The following TMPRSS6 variants were observed in gnomAD, a reference collection of about 807,000 sequenced individuals.
The protein encoded by TMPRSS6 is transmembrane protease serine 6.
A neutral mutation model predicts 101.5 loss-of-function variants in TMPRSS6; 67 were observed. The observed-to-expected ratio is 0.66, with a 90% CI of 0.54 to 0.81. The LOEUF (loss-of-function observed/expected upper bound fraction) is 0.81, where lower values mean the gene tolerates loss of function less well. Among genes scored for constraint, TMPRSS6 ranks in the 30% least tolerant of loss-of-function variants. The pLI is 0.00. For missense variants in TMPRSS6, 1,034 were observed against 1,088.7 expected (o/e 0.95, Z 0.71); for synonymous variants, 453 against 464.9 (o/e 0.97, Z 0.33).
At chr22:37,098,599 TCTC>T (rs771949149) in intron 2 of TMPRSS6, 50 bp from the exon 3 acceptor site, 36 of 1,613,392 alleles carry the variant, frequency 2.2e-5, no homozygotes, top group Non-Finnish European at 3.0e-5. Context: ...GGTGGGAAAG[TCTC>T]CTGTCTCTTC....
chr22:37,067,410 C>T (rs6000550), intron 16 of TMPRSS6, among the ~76,000 whole-genome samples: 30,523 of 151,916 alleles, frequency 0.2, 3,405 homozygotes, highest in African/African-American at 0.28. Context: ...GAGGGGGATC[C>T]GAGCCGAGAT....
chr22:37,093,185 C>T lies in TMPRSS6; in HGVS notation c.631+2366G>A, dbSNP rs537727402. Among the ~76,000 whole-genome samples, 6 of 152,218 alleles carry T rather than the reference C, an allele frequency of 3.9e-5. No homozygotes were observed. In the South Asian group the frequency reaches 6.2e-4, roughly 16 times the overall value. On this transcript the variant is annotated intron_variant, in intron 6 of 17. Transcript: ENST00000676104. ...TGCTCTGGACATGCACTGAACCAGT[C>T]TCCTCATTCATGCTTTCATTCATTT...
At chr22:37,082,325 G>A (rs1203466878) in intron 10 of TMPRSS6, among the ~76,000 whole-genome samples, 2 of 152,196 alleles carry the variant, frequency 1.3e-5, no homozygotes, top group African/African-American at 2.4e-5. Flanking sequence ...CTGGGGCCCC[G>A]CCTCTGGCAA....
intron 13 of TMPRSS6, among the ~76,000 whole-genome samples, chr22:37,072,129 A>ATGG: frequency 7.7e-6 from 1 of 129,280 alleles, no homozygotes; most frequent in African/African-American, 3.2e-5. Context: ...TGGATGGATG[A>ATGG]TGGATGGATG....
Position 37,066,931 on chromosome 22 carries a change from A to C in TMPRSS6, c.2145T>G (p.Asp715Glu), listed in dbSNP as rs1274539278. The part of the protein sequence containing the change: ...GPISNALQKV[D>E]VQLIPQDLCS... ...ACAGGTCCTGTGGGATCAACTGCAC[A>C]TCCACTTTCTGCAGAGCGTTGCTGA... Residue 715 changes from aspartate to glutamate, a missense_variant, in exon 17 of 18, where the codon GAT (aspartate) becomes GAG (glutamate). Physicochemically the swap from Asp to Glu is conservative, Grantham distance 45. Coordinates refer to ENST00000676104, the MANE Select transcript of TMPRSS6 (RefSeq NM_001374504.1). 1 of 1,614,158 alleles carries C rather than the reference A, an allele frequency of 6.2e-7. No homozygotes were observed. Among genetic ancestry groups the C allele is most frequent in the East Asian group, 2.2e-5 (1 of 44,878 alleles).
chr22:37,098,944 CCA>C (rs1284251499), intron 2 of TMPRSS6, among the ~76,000 whole-genome samples: 2 of 152,208 alleles, frequency 1.3e-5, no homozygotes, highest in African/African-American at 4.8e-5. Flanking sequence ...CCCAGGGATC[CCA>C]CAGTGTGTGC....
intron 12 of TMPRSS6, among the ~76,000 whole-genome samples, 174 bp from the exon 13 acceptor site, chr22:37,073,819 G>A (rs888760905): frequency 6.6e-6 from 1 of 152,168 alleles, no homozygotes; most frequent in African/African-American, 2.4e-5. Context: ...GCGATGGCAT[G>A]ATCTCACTGC....
At chr22:37,109,896 G>A (rs1166206869), upstream of TMPRSS6, among the ~76,000 whole-genome samples, 2 of 152,160 alleles carry the variant, frequency 1.3e-5, no homozygotes, top group Non-Finnish European at 2.9e-5. Context: ...GAGAGCATGA[G>A]GTAGGGACAG....
intron 10 of TMPRSS6, among the ~76,000 whole-genome samples, chr22:37,080,686 C>A (rs550294353): frequency 6.6e-6 from 1 of 152,234 alleles, no homozygotes; most frequent in Non-Finnish European, 1.5e-5. Flanking sequence ...GAGGAGTCTG[C>A]GGGGAGGGGA....
chr22:37,070,810 G>A, intron 14 of TMPRSS6, 106 bp downstream of exon 14: 1 of 1,337,036 alleles, frequency 7.5e-7, no homozygotes, highest in Non-Finnish European at 1.1e-6. Context: ...CAGAGGATGA[G>A]ATAGAGAGAG....
At chr22:37,066,345 C>T (rs373116401) in intron 17 of TMPRSS6, 107 bp from the exon 18 acceptor site, 4 of 1,164,826 alleles carry the variant, frequency 3.4e-6, no homozygotes, top group African/African-American at 1.5e-5. Context: ...GACTGGGTGC[C>T]AGAGTCACGT....
At chr22:37,095,749 T>G (rs2146151371) in intron 5 of TMPRSS6, among the ~76,000 whole-genome samples, 157 bp from the exon 6 acceptor site, 1 of 152,196 alleles carries the variant, frequency 6.6e-6, no homozygotes, top group South Asian at 2.1e-4. Flanking sequence ...CCTGGCTCCT[T>G]GAATGCAATG....
rs78640241 is a variant in TMPRSS6, at chr22:37,074,598, C to T, written c.1441+12G>A. ...GGCAGGGAGAGGAGGGATGCGCGGG[C>T]GGGTTACTCACCGCAGTTTCTCTCA... On this transcript the variant is annotated intron_variant, in intron 12 of 17. Coordinates refer to ENST00000676104, the MANE Select transcript of TMPRSS6 (RefSeq NM_001374504.1). 5.5e-3 allele frequency: 8,811 copies of T among 1,612,938 alleles called. 399 individuals are homozygous for T. The East Asian group carries it at 0.12, about 21-fold the overall frequency.
At chr22:37,082,768 C>G (rs900792620) in intron 10 of TMPRSS6, 1 of 359,822 alleles carries the variant, frequency 2.8e-6, no homozygotes, top group Non-Finnish European at 5.4e-6. Flanking sequence ...GGCACTGCTT[C>G]GCCATATCAC....
In TMPRSS6 at chr22:37,069,081, C is replaced by T. The variant is rs115310908; in HGVS notation, c.2105G>A (p.Arg702His). Residue 702 changes from arginine to histidine, a missense_variant, in exon 16 of 18, where the codon CGC becomes CAC. By Grantham distance (29) the Arg-to-His change is conservative (BLOSUM62 0). Coordinates refer to ENST00000676104, the MANE Select transcript of TMPRSS6 (RefSeq NM_001374504.1). The surrounding 1 kb of genome is among the most constrained non-coding windows in gnomAD (Gnocchi z 4.8). ...AAGTCCCCGCTGCTCACCGCCCTCG[C>T]GCAAGGCGCCCCAGCCCGTAATCCA... ...HCWITGWGAL[R>H]EGGPISNALQ... 1.3e-6 allele frequency: 2 copies of T among 1,543,204 alleles called. No individual in the cohort carries two copies. The highest frequency in any genetic ancestry group is 8.7e-7 in the Non-Finnish European group (1 of 1,149,448).
intron 13 of TMPRSS6, among the ~76,000 whole-genome samples, chr22:37,071,262 A>G (rs1926875495): frequency 6.8e-6 from 1 of 147,524 alleles, no homozygotes; most frequent in Non-Finnish European, 1.5e-5. Context: ...CTCCATTCTC[A>G]GACTGGAGAT....
intron 14 of TMPRSS6, 112 bp from the exon 15 acceptor site, chr22:37,070,764 G>T: frequency 7.3e-7 from 1 of 1,363,344 alleles, no homozygotes; most frequent in Non-Finnish European, 1.0e-6. Flanking sequence ...GGAGAATGAT[G>T]GAGGGGGAGA....
At chr22:37,091,555 C>T (rs1397659909) in intron 6 of TMPRSS6, among the ~76,000 whole-genome samples, 1 of 152,210 alleles carries the variant, frequency 6.6e-6, no homozygotes, top group Non-Finnish European at 1.5e-5. Context: ...ATGGGCCATA[C>T]AAAATCAGGC....
chr22:37,103,371 C>A lies in TMPRSS6; in HGVS notation c.47G>T (p.Gly16Val). 1.9e-6 allele frequency: 3 copies of A among 1,614,230 alleles called. No homozygotes were observed. The highest frequency in any genetic ancestry group is 2.5e-6 in the Non-Finnish European group (3 of 1,180,040). Residue 16 changes from glycine to valine, a missense_variant, in exon 2 of 18, where the codon GGA becomes GTA. Gly to Val is a moderately radical substitution (Grantham distance 109). Transcript: ENST00000676104. This position sits in a 1 kb window ranked among gnomAD's most constrained non-coding sequence, Gnocchi z 4.4. ...APQVAGGQGD[G>V]GDGEEAEPEG... is the part of the protein sequence containing the mutation. ...CGGCTCCGCTTCCTCGCCATCACCT[C>A]CGTCCCCCTGCCCGCCAGCCACCTG... is the stretch of plus-strand genomic sequence containing the variant.
Sources: gnomAD v4.1 joint callset for allele counts (sites outside exome capture counted in the v4.1 genomes callset) on GRCh38, gnomAD v4.1.1 for gene constraint, Gnocchi (gnomAD v3.1) non-coding constraint, MANE v1.5 for transcripts, NCBI Gene and HGNC (gene_info 2026-07-23, HGNC 2026-07-21) for gene names.